NADK: variants seen among roughly 807,000 people sequenced by gnomAD.
The protein encoded by NADK is NAD kinase, also known as poly(P)/ATP NAD kinase.
A neutral mutation model predicts 49.8 loss-of-function variants in NADK; 22 were observed. The observed-to-expected ratio is 0.44, with a 90% CI of 0.32 to 0.63. The LOEUF is 0.63. Among genes scored for constraint, NADK ranks in the 30% least tolerant of loss-of-function variants. The pLI, the probability that NADK is intolerant of heterozygous loss-of-function variation, is 0.06. For synonymous variants in NADK, 268 were observed against 253.7 expected (o/e 1.06, Z -0.54); for missense variants, 438 against 609.4 (o/e 0.72, Z 2.96).
In NADK at chr1:1,766,946, A is replaced by C. The variant is rs561206281; in HGVS notation, c.-40-1500T>G. On this transcript the variant is annotated intron_variant, in intron 1 of 11. Transcript: ENST00000341426. ...CTTTTTTTTTTTGAGACAGAGTCTC[A>C]CTCTGTCGCCCACGCTGGAGTGCAG... Among the ~76,000 whole-genome samples, 3 of 150,908 alleles carry C rather than the reference A, an allele frequency of 2.0e-5. No individual in the cohort carries two copies. In the South Asian group the frequency reaches 6.3e-4, roughly 32 times the overall value.
chr1:1,776,645 C>T (rs377392068), intron 1 of NADK, among the ~76,000 whole-genome samples: 1 of 151,864 alleles, frequency 6.6e-6, no homozygotes, highest in Non-Finnish European at 1.5e-5. Context: ...TGGTGGTGGG[C>T]GCCTGTAATC....
intron 4 of NADK, 174 bp downstream of exon 4, chr1:1,757,007 C>A: frequency 2.8e-6 from 3 of 1,059,790 alleles, no homozygotes; most frequent in Non-Finnish European, 4.3e-6. Flanking sequence ...CTTGCCATGG[C>A]GGCACACACA....
rs1645350972 is a variant in NADK, at chr1:1,752,319, G to A, written c.*585C>T. On this transcript the variant is annotated 3_prime_UTR_variant, in exon 12 of 12. Transcript: ENST00000341426. ...CTTCCCGCTGAGTGTCCCAGACTCA[G>A]TGCTGGCCTCAAGCGGGGAGGGCTG... The A allele has an allele frequency of 6.5e-6, 1 of 152,756 alleles. No homozygotes were observed. The highest frequency in any genetic ancestry group is 6.5e-5 in the Admixed American group (1 of 15,300). 9.5% of individuals were successfully genotyped at this position (152,756 alleles called of 1,614,324 possible).
chr1:1,754,785 A>G lies in NADK; in HGVS notation c.689-87T>C. The G allele has an allele frequency of 7.6e-7, 1 of 1,311,784 alleles. No homozygotes were observed. The highest frequency in any genetic ancestry group is 1.4e-5 in the South Asian group (1 of 70,642). The allele number at this position is 1,311,784 out of a possible 1,614,324, so 81.3% of individuals were successfully genotyped here. On this transcript the variant is annotated intron_variant, in intron 7 of 11. Transcript: ENST00000341426. This position sits in a 1 kb window ranked among gnomAD's most constrained non-coding sequence, Gnocchi z 4.3. ...CCCCAGGGAGGCCAGTGGGAGTCAGAGGGCTCTTTCTTCTCCCAAGTTGAC... is the reference window on the plus strand; with the variant it reads ...CCCCAGGGAGGCCAGTGGGAGTCAGGGGGCTCTTTCTTCTCCCAAGTTGAC...
Position 1,752,700 on chromosome 1 carries a change from C to T in NADK, c.*204G>A, listed in dbSNP as rs892021303. On this transcript the variant is annotated 3_prime_UTR_variant, in exon 12 of 12. Transcript: ENST00000341426. ...AGAAGCACTCCCAGCCCATTTCTCA[C>T]GCTTCTTTAGAAATGCAAAAAAAGT... 20 of 600,608 alleles carry T rather than the reference C, an allele frequency of 3.3e-5. No homozygotes were observed. The highest frequency in any genetic ancestry group is 1.2e-4 in the East Asian group (4 of 33,094). The allele number at this position is 600,608 out of a possible 1,614,324, so 37.2% of individuals were successfully genotyped here. A position where few individuals can be genotyped will look rare whatever the true frequency, so the allele number is the denominator to read the frequency against.
At chr1:1,757,987 C>T (rs552538490) in intron 3 of NADK, among the ~76,000 whole-genome samples, 49 of 152,336 alleles carry the variant, frequency 3.2e-4, no homozygotes, top group African/African-American at 1.0e-3. Flanking sequence ...CAGGCAGGGC[C>T]CACCCCGGTG....
At position 1,756,566 on chromosome 1, in the gene NADK, G is replaced by A. The variant is rs147892956; in HGVS notation, c.436C>T (p.Pro146Ser). 2.6e-4 allele frequency: 422 copies of A among 1,614,050 alleles called. 1 individual carries two copies. Among genetic ancestry groups the A allele is most frequent in the Non-Finnish European group, 3.2e-4 (381 of 1,180,020 alleles). Reference protein sequence around the residue: ...VYVEKKVLEDPAIASDESFGA... With the variant: ...VYVEKKVLEDSAIASDESFGA... ...AAGCTTTCATCGCTGGCGATGGCAG[G>A]GTCTTCTAGCACTTTCTTTTCCACA... Residue 146 changes from proline to serine, a missense_variant, in exon 5 of 12, where the codon CCT (proline) becomes TCT (serine). Pro to Ser is a moderately conservative substitution (Grantham distance 74, BLOSUM62 -1). Transcript: ENST00000341426.
chr1:1,779,534 A>C (rs1422533270), upstream of NADK, among the ~76,000 whole-genome samples: 1 of 152,138 alleles, frequency 6.6e-6, no homozygotes, highest in Non-Finnish European at 1.5e-5. Context: ...GCCGGAGTCC[A>C]GTGGCGGGCT....
intron 4 of NADK, chr1:1,756,961 A>T: frequency 1.2e-6 from 1 of 856,076 alleles, no homozygotes; most frequent in Non-Finnish European, 2.0e-6. Context: ...CAGGGCCACG[A>T]GCCCACCAGC....
intron 1 of NADK, among the ~76,000 whole-genome samples, chr1:1,777,039 C>T (rs1423548456): frequency 3.3e-5 from 5 of 152,166 alleles, no homozygotes; most frequent in Non-Finnish European, 5.9e-5. Context: ...AATCATGCCA[C>T]CATAAACACG....
At chr1:1,758,617 T>C (rs1262271182) in intron 3 of NADK, 13 of 1,452,198 alleles carry the variant, frequency 9.0e-6, no homozygotes, top group Non-Finnish European at 9.1e-6. Flanking sequence ...GTGATGAGAC[T>C]TGGTAAAGTT....
chr1:1,775,038 G>A (rs960060773), intron 1 of NADK, among the ~76,000 whole-genome samples: 7 of 152,068 alleles, frequency 4.6e-5, no homozygotes, highest in African/African-American at 1.2e-4. Context: ...GAACCCAGGC[G>A]GCAGAGGTTG....
intron 4 of NADK, 26 bp downstream of exon 4, chr1:1,757,155 G>GCCCCCCTCCCCCCCGC: frequency 7.7e-7 from 1 of 1,299,250 alleles, no homozygotes. Flanking sequence ...TGCACCCCAG[G>GCCCCCCTCCCCCCCGC]CCCCCTTCCC....
Position 1,753,080 on chromosome 1 carries a change from G to A in NADK, c.1185-20C>T. The A allele has an allele frequency of 6.3e-7, 1 of 1,596,800 alleles. No individual in the cohort carries two copies. The highest frequency in any genetic ancestry group is 8.6e-7 in the Non-Finnish European group (1 of 1,169,208). On this transcript the variant is annotated intron_variant, in intron 11 of 11. Transcript: ENST00000341426. ...CTGATGCTGGGACGGGAGAGCAGCA[G>A]CCTGAGCCAGGGCTTCCAGAAAGGC...
rs777766559 is a variant in NADK, at chr1:1,753,569, G to A, written c.1182C>T (p.Asp394=). The A allele has an allele frequency of 1.5e-5, 24 of 1,611,932 alleles. No homozygotes were observed. In the Admixed American group the frequency reaches 2.8e-4, roughly 19 times the overall value. ...CCAGCCCGGCATGCAGCCCACACCT[G>A]TCTCCATGGCGGATCTCTTGTCTCT... is the stretch of plus-strand genomic sequence containing the variant. ...GRKRQEIRHG[D]SISITTSCYP... The change falls in exon 11 of 12, where the codon GAC becomes GAT. Residue 394 remains aspartate, a splice_region_variant and synonymous_variant. Transcript: ENST00000341426.
At chr1:1,760,923 A>G (rs1028168200) in intron 3 of NADK, among the ~76,000 whole-genome samples, 2 of 151,858 alleles carry the variant, frequency 1.3e-5, no homozygotes, top group Admixed American at 6.6e-5. Context: ...TCAACCTCCC[A>G]GGTTCAGGTG....
At chr1:1,772,631 G>C (rs1023432158) in intron 1 of NADK, among the ~76,000 whole-genome samples, 1 of 151,942 alleles carries the variant, frequency 6.6e-6, no homozygotes, top group Admixed American at 6.6e-5. Flanking sequence ...ACACTGCATA[G>C]AGCCATACAC....
chr1:1,757,148 A>AGC, intron 4 of NADK, 33 bp downstream of exon 4: 22 of 859,120 alleles, frequency 2.6e-5, no homozygotes, highest in Non-Finnish European at 3.2e-5. Context: ...CTCCATGTGC[A>AGC]CCCCAGGCCC....
In NADK at chr1:1,759,386, G is replaced by A. The variant is rs1426942718; in HGVS notation, c.264-2076C>T. ...GCAGGGGGTGGCGTGAAGCCAGCAT[G>A]GCCACAGCCTGGCCCGCCTGGCCAG... On this transcript the variant is annotated intron_variant, in intron 3 of 11. Transcript: ENST00000341426. The A allele has an allele frequency of 4.0e-6, 5 of 1,256,040 alleles. No homozygotes were observed. The African/African-American group carries it at 6.0e-5, about 15-fold the overall frequency. The allele number at this position is 1,256,040 out of a possible 1,614,324, so 77.8% of individuals were successfully genotyped here.
Sources: allele counts gnomAD v4.1 joint callset (sites outside exome capture counted in the v4.1 genomes callset), GRCh38; gene constraint gnomAD v4.1.1; non-coding constraint Gnocchi (gnomAD v3.1); transcripts MANE v1.5; gene names NCBI Gene and HGNC (gene_info 2026-07-23, HGNC 2026-07-21).